The following CSMD1 variants were observed in gnomAD, a reference collection of about 807,000 sequenced individuals.
The protein encoded by CSMD1 is CUB and sushi domain-containing protein 1.
In CSMD1, 213 loss-of-function variants were observed where a neutral mutation model predicts 417.5. The observed-to-expected ratio is 0.51, with a 90% confidence interval of 0.46 to 0.57. The LOEUF (loss-of-function observed/expected upper bound fraction) is 0.57, where lower values mean the gene tolerates loss of function less well. CSMD1 is among the 20% of genes least tolerant of loss of function. The probability of loss-of-function intolerance (pLI) is 0.00; values close to 1 mark genes in which losing one functional copy is unlikely to be tolerated. For missense variants in CSMD1, 6,923 were observed against 4,529.7 expected, an observed-to-expected ratio of 1.53 and a Z score of -15.17; for synonymous variants, 2,862 against 1,736.8, an observed-to-expected ratio of 1.65 and a Z score of -16.11.
chr8:4,928,270 C>G (rs1015943596), intron 1 of CSMD1, among the ~76,000 whole-genome samples: 1 of 152,186 alleles, frequency 6.6e-6, no homozygotes, highest in Non-Finnish European at 1.5e-5. Context: ...CTCATCAGAA[C>G]AAACTGTCCT....
chr8:3,098,108 T>C (rs1045197626), intron 46 of CSMD1, among the ~76,000 whole-genome samples: 8 of 152,244 alleles, frequency 5.3e-5, no homozygotes, highest in African/African-American at 1.9e-4. Context: ...AAACAGTTTG[T>C]GTATAAAACT....
chr8:2,983,218 G>C (rs1245868449), intron 54 of CSMD1, among the ~76,000 whole-genome samples: 1 of 151,428 alleles, frequency 6.6e-6, no homozygotes, highest in Non-Finnish European at 1.5e-5. Flanking sequence ...ATGGAGTCTT[G>C]CTCTGTCTCC....
At chr8:4,795,544 G>A (rs1011833204) in intron 1 of CSMD1, among the ~76,000 whole-genome samples, 4 of 151,906 alleles carry the variant, frequency 2.6e-5, no homozygotes, top group African/African-American at 4.8e-5. Flanking sequence ...TTGCAGGCAT[G>A]AGCCACCGCA....
chr8:3,297,436 C>G (rs548550831), intron 25 of CSMD1, among the ~76,000 whole-genome samples: 1 of 151,866 alleles, frequency 6.6e-6, no homozygotes, highest in Non-Finnish European at 1.5e-5. Flanking sequence ...TAAAGTAAAT[C>G]AGGAATTAAG....
chr8:3,810,325 A>G (rs1357912696), intron 5 of CSMD1, among the ~76,000 whole-genome samples: 1 of 152,220 alleles, frequency 6.6e-6, no homozygotes, highest in Non-Finnish European at 1.5e-5. Context: ...AACCAGAGCC[A>G]CTGGGAAAGA....
intron 3 of CSMD1, among the ~76,000 whole-genome samples, chr8:4,240,426 C>T (rs1222573649): frequency 6.6e-6 from 1 of 152,236 alleles, no homozygotes; most frequent in Non-Finnish European, 1.5e-5. Flanking sequence ...TCCCTGTAGA[C>T]TTCAAGATTC....
At chr8:4,920,842 G>GAAAGAAAAGAAAAGAAAAGA (rs1181413955) in intron 1 of CSMD1, among the ~76,000 whole-genome samples, 7 of 34,582 alleles carry the variant, frequency 2.0e-4, no homozygotes, top group Admixed American at 5.1e-4. Flanking sequence ...AAAAGAGAAC[G>GAAAGAAAAGAAAAGAAAAGA]AAAGAAAAGA....
chr8:3,614,284 A>G (rs1256638145), intron 8 of CSMD1, among the ~76,000 whole-genome samples: 1 of 152,156 alleles, frequency 6.6e-6, no homozygotes, highest in Non-Finnish European at 1.5e-5. Flanking sequence ...GATTCTACAG[A>G]AACCTTATCT....
chr8:3,324,468 C>A (rs929075247), intron 23 of CSMD1, among the ~76,000 whole-genome samples: 3 of 150,128 alleles, frequency 2.0e-5, no homozygotes, highest in African/African-American at 7.4e-5. Context: ...TCCTTCCCCC[C>A]ACCATTCTTC....
chr8:3,420,778 A>T (rs1466000408), intron 12 of CSMD1, among the ~76,000 whole-genome samples: 1 of 152,156 alleles, frequency 6.6e-6, no homozygotes, highest in Non-Finnish European at 1.5e-5. Flanking sequence ...ACATTCTATT[A>T]CTTTCACCAT....
chr8:3,412,059 CACGTATATATACATATAT>C (rs1812827338), intron 12 of CSMD1, among the ~76,000 whole-genome samples: 5 of 67,678 alleles, frequency 7.4e-5, no homozygotes, highest in South Asian at 5.1e-4. Context: ...TATATATACA[CACGTATATATACATATAT>C]ACATATATAT....
intron 5 of CSMD1, among the ~76,000 whole-genome samples, chr8:3,881,746 T>A (rs1203120764): frequency 6.6e-6 from 1 of 151,350 alleles, no homozygotes; most frequent in African/African-American, 2.4e-5. Context: ...CAAAATTTAC[T>A]CCAGAAATTA....
rs537855404 is a variant in CSMD1, at chr8:3,703,640, G to A, written c.1009+4774C>T. On this transcript the variant is annotated intron_variant, in intron 7 of 69. Transcript: ENST00000635120. ...GTAGGTCTGGTAGAAAAATTTCACT[G>A]GCCTAGCAGGAAGAAGCAGAGGAAG... is the stretch of plus-strand genomic sequence containing the variant. Among the ~76,000 whole-genome samples the A allele has an allele frequency of 2.0e-5, 3 of 152,224 alleles. No individual in the cohort carries two copies. In the East Asian group the frequency reaches 5.8e-4, roughly 29 times the overall value.
intron 7 of CSMD1, among the ~76,000 whole-genome samples, chr8:3,641,046 T>G (rs577554925): frequency 2.6e-4 from 38 of 144,254 alleles, no homozygotes; most frequent in Admixed American, 2.6e-3. Context: ...TTTTTTTTTT[T>G]TGTGAATAAT....
chr8:3,945,000 G>A (rs181843781), intron 5 of CSMD1, among the ~76,000 whole-genome samples: 251 of 152,180 alleles, frequency 1.6e-3, no homozygotes, highest in African/African-American at 5.8e-3. Flanking sequence ...CGGTTCACCC[G>A]CAAGTCAAAT....
intron 32 of CSMD1, among the ~76,000 whole-genome samples, chr8:3,200,754 C>T (rs900184390): frequency 6.6e-6 from 1 of 151,894 alleles, no homozygotes; most frequent in Non-Finnish European, 1.5e-5. Context: ...CATCATTGAA[C>T]CTTGGTAGAA....
intron 26 of CSMD1, among the ~76,000 whole-genome samples, chr8:3,241,177 G>T (rs375263364): frequency 2.0e-5 from 3 of 151,796 alleles, no homozygotes; most frequent in Non-Finnish European, 1.5e-5. Context: ...TTTAGTTAAA[G>T]TGTCTCGGCC....
intron 3 of CSMD1, among the ~76,000 whole-genome samples, chr8:4,064,128 T>G (rs936864692): frequency 6.6e-6 from 1 of 152,170 alleles, no homozygotes; most frequent in Non-Finnish European, 1.5e-5. Context: ...TAGAAAATTG[T>G]TTCTGCCTCT....
At chr8:4,158,894 GA>G (rs1166284766) in intron 3 of CSMD1, among the ~76,000 whole-genome samples, 9 of 152,104 alleles carry the variant, frequency 5.9e-5, no homozygotes, top group East Asian at 3.9e-4. Flanking sequence ...GTTTCCAGCT[GA>G]AAAGAAAGAT....
Sources: allele counts gnomAD v4.1 joint callset (sites outside exome capture counted in the v4.1 genomes callset), GRCh38; gene constraint gnomAD v4.1.1; transcripts MANE v1.5; gene names NCBI Gene and HGNC (gene_info 2026-07-23, HGNC 2026-07-21).